Variants in MED13L observed in about 807,000 individuals in gnomAD.
The protein encoded by MED13L is mediator complex subunit 13L.
A neutral mutation model predicts 220.9 loss-of-function variants in MED13L; 7 were observed. The ratio of observed to expected loss-of-function variants is 0.03; its 90% CI spans 0.02 to 0.06. MED13L has a LOEUF of 0.06. Among genes scored for constraint, MED13L ranks in the 10% least tolerant of loss-of-function variants. MED13L has a pLI of 1.00. For synonymous variants in MED13L, 1,011 were observed against 1,015.2 expected, an observed-to-expected ratio of 1.00 and a Z score of 0.08; for missense variants, 1,965 against 2,760.5, an observed-to-expected ratio of 0.71 and a Z score of 6.46.
At chr12:116,054,172 TTAGAG>T (rs1359972323) in intron 4 of MED13L, among the ~76,000 whole-genome samples, 1 of 151,524 alleles carries the variant, frequency 6.6e-6, no homozygotes, top group Non-Finnish European at 1.5e-5. Flanking sequence ...GTTCTACTAC[TTAGAG>T]TAATTTAACA....
At chr12:115,969,565 A>C (rs1592897929) in intron 27 of MED13L, among the ~76,000 whole-genome samples, 1 of 151,486 alleles carries the variant, frequency 6.6e-6, no homozygotes, top group African/African-American at 2.4e-5. Context: ...AAATCAAAGC[A>C]CAATGTTTTC....
intron 4 of MED13L, among the ~76,000 whole-genome samples, chr12:116,038,236 A>G (rs150060846): frequency 6.6e-6 from 1 of 152,196 alleles, no homozygotes; most frequent in African/African-American, 2.4e-5. Flanking sequence ...AGATAGGGAC[A>G]AGCAAGGTAT....
At chr12:116,249,047 T>C (rs1350700688) in intron 1 of MED13L, among the ~76,000 whole-genome samples, 1 of 152,212 alleles carries the variant, frequency 6.6e-6, no homozygotes, top group Non-Finnish European at 1.5e-5. Flanking sequence ...AAAGATCTGA[T>C]AGAGGCTCTT....
intron 2 of MED13L, among the ~76,000 whole-genome samples, chr12:116,192,218 G>GT (rs1168875915): frequency 1.3e-5 from 2 of 152,164 alleles, no homozygotes. Flanking sequence ...CATCCCTTAT[G>GT]TAGCCAAGCA....
chr12:116,234,057 G>A (rs1451166546), intron 2 of MED13L, among the ~76,000 whole-genome samples: 1 of 151,964 alleles, frequency 6.6e-6, no homozygotes, highest in East Asian at 1.9e-4. Flanking sequence ...CTCACCGTGA[G>A]GTTTCTTGGT....
chr12:116,277,001 A>G (rs1445581955), intron 1 of MED13L, 59 bp downstream of exon 1: 5 of 1,496,640 alleles, frequency 3.3e-6, no homozygotes, highest in Non-Finnish European at 4.5e-6. Context: ...TCGGCGGCGG[A>G]GGTCGGGGAC....
chr12:116,086,913 AC>A (rs1205487281), intron 4 of MED13L, among the ~76,000 whole-genome samples: 1 of 152,182 alleles, frequency 6.6e-6, no homozygotes, highest in Non-Finnish European at 1.5e-5. Flanking sequence ...TGGTAAGACT[AC>A]TTCTTTAAAA....
At chr12:116,223,119 T>G (rs891403435) in intron 2 of MED13L, among the ~76,000 whole-genome samples, 3 of 152,204 alleles carry the variant, frequency 2.0e-5, no homozygotes, top group Non-Finnish European at 4.4e-5. Flanking sequence ...AACTCCAGTG[T>G]TGGACTGGAA....
At chr12:116,215,148 G>A (rs929932047) in intron 2 of MED13L, among the ~76,000 whole-genome samples, 1 of 152,102 alleles carries the variant, frequency 6.6e-6, no homozygotes, top group Non-Finnish European at 1.5e-5. Context: ...TTTTGCTTTA[G>A]TTACTATCAA....
At position 116,277,500 on chromosome 12, in the gene MED13L, A is replaced by G. The variant is rs1228688906; in HGVS notation, c.-369T>C. 2.1e-5 allele frequency among the ~76,000 whole-genome samples: 3 copies of G among 144,830 alleles called. No individual in the cohort carries two copies. Among genetic ancestry groups the G allele is most frequent in the African/African-American group, 7.6e-5 (3 of 39,274 alleles). On this transcript the variant is annotated 5_prime_UTR_variant, in exon 1 of 31. Coordinates refer to ENST00000281928, the MANE Select transcript of MED13L (RefSeq NM_015335.5). ...GCGCGCGAGGGGAGGCGAGCCCCGG[A>G]GCCGCCGCCGCCGCCTCGGAGCCGC...
At chr12:116,240,757 G>C (rs1204612271) in intron 1 of MED13L, among the ~76,000 whole-genome samples, 1 of 147,776 alleles carries the variant, frequency 6.8e-6, no homozygotes, top group East Asian at 2.1e-4. Flanking sequence ...TCGATCTCCT[G>C]ACCTCGTGAC....
At chr12:115,983,873 G>GT (rs1484719375) in intron 20 of MED13L, among the ~76,000 whole-genome samples, 1 of 152,130 alleles carries the variant, frequency 6.6e-6, no homozygotes, top group Non-Finnish European at 1.5e-5. Flanking sequence ...ATGCTCCTAG[G>GT]TTTACAAGCT....
rs183096899 is a variant in MED13L at position 116,186,015 on chromosome 12, A to G, written c.310+51453T>C. The stretch of plus-strand genomic sequence containing the variant: ...GCCCATCATATGCTTTTCTTTCTCT[A>G]TGCTTTTATTCATTCTATTCCCTTC... On this transcript the variant is annotated intron_variant, in intron 2 of 30. Transcript: ENST00000281928. Among the ~76,000 whole-genome samples, 1,337 of 152,214 alleles carry G rather than the reference A, an allele frequency of 8.8e-3. 16 individuals carry two copies. The highest frequency in any genetic ancestry group is 0.015 in the Non-Finnish European group (1,003 of 68,018).
At chr12:116,183,216 A>C (rs75311752) in intron 2 of MED13L, among the ~76,000 whole-genome samples, 1 of 152,194 alleles carries the variant, frequency 6.6e-6, no homozygotes, top group African/African-American at 2.4e-5. Flanking sequence ...AAATAAATTC[A>C]CAGTGGTTAA....
At chr12:116,174,402 A>G (rs763342534) in intron 2 of MED13L, 2 of 152,180 alleles carry the variant, frequency 1.3e-5, no homozygotes, top group Non-Finnish European at 2.9e-5. Flanking sequence ...CATTTAAATG[A>G]TCAAAACTAT....
intron 2 of MED13L, among the ~76,000 whole-genome samples, chr12:116,207,945 A>G (rs1271883839): frequency 1.3e-5 from 2 of 152,184 alleles, no homozygotes; most frequent in Non-Finnish European, 2.9e-5. Context: ...GCTAATTCCA[A>G]ATCTGGAGCA....
Position 115,972,252 on chromosome 12 carries a change from G to C in MED13L, c.5732-16C>G. The C allele has an allele frequency of 6.2e-7, 1 of 1,611,430 alleles. No homozygotes were observed. Among genetic ancestry groups the C allele is most frequent in the Non-Finnish European group, 8.5e-7 (1 of 1,179,654 alleles). On this transcript the variant is annotated splice_polypyrimidine_tract_variant and intron_variant, in intron 25 of 30. Coordinates refer to ENST00000281928, the MANE Select transcript of MED13L (RefSeq NM_015335.5). The stretch of plus-strand genomic sequence containing the variant: ...ATACTCCAATCTGAAATCAAATATC[G>C]CAGTCATACACAGTCTTTAGAAATT...
rs576724241 is a variant in MED13L, at chr12:116,259,257, A to G, written c.72+17803T>C. The stretch of plus-strand genomic sequence containing the variant: ...CTTGAAGACAATGTTAAGCGGAAAA[A>G]GCACATTGCAGGAAAAGGTGGAGAA... On this transcript the variant is annotated intron_variant, in intron 1 of 30. Transcript: ENST00000281928. Among the ~76,000 whole-genome samples, 8 of 152,318 alleles carry G rather than the reference A, an allele frequency of 5.3e-5. No homozygotes were observed. In the South Asian group the frequency reaches 1.7e-3, roughly 32 times the overall value.
chr12:116,240,571 C>CACCCA (rs1315478994), intron 1 of MED13L, among the ~76,000 whole-genome samples: 1 of 148,996 alleles, frequency 6.7e-6, no homozygotes, highest in African/African-American at 2.5e-5. Context: ...CTCGCCCTGT[C>CACCCA]ACCCAGGCTG....
Sources: allele counts gnomAD v4.1 joint callset (sites outside exome capture counted in the v4.1 genomes callset), GRCh38; gene constraint gnomAD v4.1.1; transcripts MANE v1.5; gene names NCBI Gene and HGNC (gene_info 2026-07-23, HGNC 2026-07-21).